The following CAMTA2 variants were observed in gnomAD, a reference collection of about 807,000 sequenced individuals.
The protein encoded by CAMTA2 is calmodulin-binding transcription activator 2.
CAMTA2 carries 56 observed loss-of-function variants against 135.7 expected under a neutral mutation model. That is an observed-to-expected ratio of 0.41 (90% CI 0.33 to 0.52). CAMTA2 has a LOEUF of 0.52. CAMTA2 is among the 20% of genes least tolerant of loss of function. The probability of loss-of-function intolerance (pLI) is 0.16; values close to 1 mark genes in which losing one functional copy is unlikely to be tolerated. For synonymous variants in CAMTA2, 591 were observed against 604.6 expected, an observed-to-expected ratio of 0.98 and a Z score of 0.33; for missense variants, 1,358 against 1,553.4, an observed-to-expected ratio of 0.87 and a Z score of 2.11.
Position 4,982,165 on chromosome 17 carries a change from C to T in CAMTA2, c.340-5G>A. 1 of 1,597,326 alleles carries T rather than the reference C, an allele frequency of 6.3e-7. No individual in the cohort carries two copies. Among genetic ancestry groups the T allele is most frequent in the Non-Finnish European group, 8.6e-7 (1 of 1,166,784 alleles). ...AACGTAGCAGCCATAGAGACACTGC[C>T]AGGAGACAGGCTGGGGTGGGGGGAG... On this transcript the variant is annotated splice_polypyrimidine_tract_variant and splice_region_variant and intron_variant, in intron 5 of 22. Coordinates refer to ENST00000348066, the MANE Select transcript of CAMTA2 (RefSeq NM_015099.4).
intron 16 of CAMTA2, among the ~76,000 whole-genome samples, chr17:4,970,852 C>T (rs544895467): frequency 1.4e-4 from 22 of 152,352 alleles, no homozygotes; most frequent in African/African-American, 5.0e-4. Context: ...TGCCAGCTGA[C>T]CAGCACATGC....
intron 16 of CAMTA2, 93 bp downstream of exon 16, chr17:4,972,139 C>T: frequency 8.8e-7 from 1 of 1,137,664 alleles, no homozygotes; most frequent in South Asian, 1.4e-5. Context: ...CCTTCCTAAA[C>T]TGAAGCCAGA....
Position 4,972,866 on chromosome 17 carries a change from A to G in CAMTA2, c.2406T>C (p.His802=), listed in dbSNP as rs747439940. ...LPLSVAHSRG[H]VRLARCLEEL... ...CCTCAAGGCAGCGGGCAAGGCGCAC[A>G]TGACCCCGGGAATGAGCCACAGACA... Residue 802 remains histidine (H), a synonymous_variant, in exon 15 of 23, where the codon CAT becomes CAC. Transcript: ENST00000348066. 3 of 1,613,880 alleles carry G rather than the reference A, an allele frequency of 1.9e-6. No individual in the cohort carries two copies. Among genetic ancestry groups the G allele is most frequent in the Non-Finnish European group, 2.5e-6 (3 of 1,180,034 alleles).
chr17:4,970,876 G>A (rs385471), intron 16 of CAMTA2, among the ~76,000 whole-genome samples: 64,676 of 152,118 alleles, frequency 0.43, 14,914 homozygotes, highest in Non-Finnish European at 0.54. Flanking sequence ...CCATAGGCTT[G>A]GCTGTGCCCA....
chr17:4,969,991 C>A lies in CAMTA2; in HGVS notation c.3100G>T (p.Asp1034Tyr). 6.2e-7 allele frequency: 1 copy of A among 1,614,202 alleles called. No homozygotes were observed. Among genetic ancestry groups the A allele is most frequent in the Non-Finnish European group, 8.5e-7 (1 of 1,180,036 alleles). The change falls in exon 18 of 23, where the codon GAT becomes TAT. Residue 1034 changes from aspartate to tyrosine, a missense_variant. By Grantham distance (160) the Asp-to-Tyr change is radical. Around this residue, in one of 4 missense-constraint regions of CAMTA2, gnomAD observed 9 missense variants for 27.9 expected, o/e 0.32. Coordinates refer to ENST00000348066, the MANE Select transcript of CAMTA2 (RefSeq NM_015099.4). The surrounding 1 kb of genome is among the most constrained non-coding windows in gnomAD (Gnocchi z 5.6). The stretch of plus-strand genomic sequence containing the variant: ...TCTGATAGTGTCAGCAGGGCAAAAT[C>A]ACTTTCCATCTTGCCACTGGTGGAT... Reference protein sequence around the residue: ...SASTSGKMESDFALLTLSDHE... With the variant: ...SASTSGKMESYFALLTLSDHE...
At chr17:4,981,497 G>C in intron 7 of CAMTA2, 138 bp from the exon 8 acceptor site, 1 of 1,318,088 alleles carries the variant, frequency 7.6e-7, no homozygotes, top group Non-Finnish European at 1.1e-6. Context: ...AGACTGCTCA[G>C]ATATGTTGCT....
At chr17:4,975,633 CT>C (rs1389515941) in intron 11 of CAMTA2, among the ~76,000 whole-genome samples, 1 of 152,024 alleles carries the variant, frequency 6.6e-6, no homozygotes, top group Non-Finnish European at 1.5e-5. Flanking sequence ...CACACTCGGG[CT>C]TTGTGTGGGG....
Position 4,980,086 on chromosome 17 carries a change from G to A in CAMTA2, c.1236C>T (p.Ala412=). Residue 412 remains alanine, a synonymous_variant, in exon 9 of 23, where the codon GCC becomes GCT. Transcript: ENST00000348066. This position sits in a 1 kb window ranked among gnomAD's most constrained non-coding sequence, Gnocchi z 5.3. ...EAEAAHTPCS[A]LEPAAALEPQ... is the part of the protein sequence containing the mutation. ...GCTCCAGGGCAGCAGCAGGCTCTAG[G>A]GCAGAACAGGGGGTATGAGCGGCCT... 1.9e-6 allele frequency: 3 copies of A among 1,613,614 alleles called. No individual in the cohort carries two copies. Among genetic ancestry groups the A allele is most frequent in the Non-Finnish European group, 2.5e-6 (3 of 1,179,782 alleles).
In CAMTA2 at chr17:4,979,854, C is replaced by T; in HGVS notation, c.1468G>A (p.Gly490Arg). Reference sequence around the variant, plus strand: ...AGTTCACTGGCCCCAACAGGTCCTCCAAACAAGGCCTCTCCTCTTCCTACC... The same window carrying T: ...AGTTCACTGGCCCCAACAGGTCCTCTAAACAAGGCCTCTCCTCTTCCTACC... Reference protein sequence around the residue: ...SRVGRGEALFGGPVGASELEP... With the variant: ...SRVGRGEALFRGPVGASELEP... The change falls in exon 9 of 23, where the codon GGA (glycine) becomes AGA (arginine). Residue 490 changes from glycine (G) to arginine (R), a missense_variant. By Grantham distance (125) the Gly-to-Arg change is moderately radical. Transcript: ENST00000348066. 1 of 1,599,130 alleles carries T rather than the reference C, an allele frequency of 6.3e-7. No individual in the cohort carries two copies. The highest frequency in any genetic ancestry group is 8.5e-7 in the Non-Finnish European group (1 of 1,172,158).
Position 4,973,229 on chromosome 17 carries a change from G to A in CAMTA2, c.2226C>T (p.Asp742=). 1 of 1,614,030 alleles carries A rather than the reference G, an allele frequency of 6.2e-7. No homozygotes were observed. The highest frequency in any genetic ancestry group is 1.6e-4 in the Middle Eastern group (1 of 6,062). The change falls in exon 14 of 23, where the codon GAC becomes GAT. Residue 742 remains aspartate (D), a synonymous_variant. Transcript: ENST00000348066. ...TGAGCGGGTCAACCTCCTGCTCTAA[G>A]TCCAAGCTTCCAGTCTCCACACTCC... ...QWRSVETGSL[D]LEQEVDPLNV... is the part of the protein sequence containing the mutation.
intron 11 of CAMTA2, among the ~76,000 whole-genome samples, chr17:4,976,420 C>T (rs1444405599): frequency 2.6e-5 from 4 of 152,016 alleles, no homozygotes; most frequent in Middle Eastern, 3.4e-3. Flanking sequence ...TAAGTACAGC[C>T]GGGTGTGGTG....
At position 4,977,087 on chromosome 17, in the gene CAMTA2, C is replaced by G. The variant is rs1318721568; in HGVS notation, c.1871G>C (p.Ser624Thr). The G allele has an allele frequency of 1.9e-6, 3 of 1,614,124 alleles. No homozygotes were observed. The highest frequency in any genetic ancestry group is 2.5e-6 in the Non-Finnish European group (3 of 1,180,016). ...CAGTGACAGCCAGTCAAGTTGAGTA[C>G]TAGGCAGAGACAGGAATCGGCGGGC... is the stretch of plus-strand genomic sequence containing the variant. ...YRARRFLSLP[S>T]TQLDWLSLDD... Residue 624 changes from serine (S) to threonine (T), a missense_variant, in exon 11 of 23, where the codon AGT becomes ACT. Ser to Thr is a moderately conservative substitution (Grantham distance 58). This residue lies in a region of CAMTA2 where 1,077 missense variants were observed against 1,127.5 expected (regional missense o/e 0.96). Transcript: ENST00000348066.
chr17:4,977,617 G>A lies in CAMTA2; in HGVS notation c.1766-425C>T, dbSNP rs573177884. Among the ~76,000 whole-genome samples, 62 of 152,324 alleles carry A rather than the reference G, an allele frequency of 4.1e-4. No individual in the cohort carries two copies. In the South Asian group the frequency reaches 0.012, roughly 31 times the overall value. On this transcript the variant is annotated intron_variant, in intron 10 of 22. Transcript: ENST00000348066. ...GTGGCCATAAGCATGGAACCAGCAG[G>A]CCCTGATCCTAAGACCAGGTGCTGA...
In CAMTA2 at chr17:4,986,270, G is replaced by A; in HGVS notation, c.-48C>T. On this transcript the variant is annotated 5_prime_UTR_variant, in exon 2 of 23. Transcript: ENST00000348066. Reference sequence around the variant, plus strand: ...GTCACCCCCGGCCTGAGGGGCCGGGGGGAGGGGGAGTCTGTGCTGGGAAGG... The same window carrying A: ...GTCACCCCCGGCCTGAGGGGCCGGGAGGAGGGGGAGTCTGTGCTGGGAAGG... 3 of 1,480,036 alleles carry A rather than the reference G, an allele frequency of 2.0e-6. No individual in the cohort carries two copies. The highest frequency in any genetic ancestry group is 1.9e-6 in the Non-Finnish European group (2 of 1,069,716). The allele number at this position is 1,480,036 out of a possible 1,614,324, so 91.7% of individuals were successfully genotyped here. A position where few individuals can be genotyped will look rare whatever the true frequency, so the allele number is the denominator to read the frequency against.
intron 3 of CAMTA2, chr17:4,983,284 CCT>C: frequency 2.2e-6 from 1 of 452,564 alleles, no homozygotes; most frequent in South Asian, 2.6e-5. Context: ...TTCCTGTGCC[CCT>C]TTTTTTTTCT....
At chr17:4,982,952 C>T (rs776328285) in intron 4 of CAMTA2, 24 bp downstream of exon 4, 1 of 1,614,100 alleles carries the variant, frequency 6.2e-7, no homozygotes, top group South Asian at 1.1e-5. Flanking sequence ...CCTGCCACTC[C>T]CCCATGTTCT....
Position 4,979,754 on chromosome 17 carries a change from G to A in CAMTA2, c.1568C>T (p.Ala523Val), listed in dbSNP as rs1174377217. The change falls in exon 9 of 23, where the codon GCT becomes GTT. Residue 523 changes from alanine to valine, a missense_variant. Ala to Val is a moderately conservative substitution (Grantham distance 64). Coordinates refer to ENST00000348066, the MANE Select transcript of CAMTA2 (RefSeq NM_015099.4). The stretch of plus-strand genomic sequence containing the variant: ...AGCAGGAGACAGCTGGGGGGTCGGA[G>A]CAGGGATGCTTGGAGCTTCGTCACT... Reference protein sequence around the residue: ...LISDEAPSIPAPTPQLSPALS... With the variant: ...LISDEAPSIPVPTPQLSPALS... 6.2e-7 allele frequency: 1 copy of A among 1,614,142 alleles called. No homozygotes were observed. Among genetic ancestry groups the A allele is most frequent in the Non-Finnish European group, 8.5e-7 (1 of 1,180,016 alleles).
chr17:4,981,628 C>G, intron 7 of CAMTA2, 50 bp downstream of exon 7: 1 of 1,530,732 alleles, frequency 6.5e-7, no homozygotes, highest in African/African-American at 1.4e-5. Flanking sequence ...CCTCTGGGAG[C>G]CCTGTTTCTA....
intron 16 of CAMTA2, among the ~76,000 whole-genome samples, chr17:4,971,042 C>G (rs1354785247): frequency 6.6e-6 from 1 of 152,220 alleles, no homozygotes; most frequent in African/African-American, 2.4e-5. Context: ...GTGGAGTTCC[C>G]TAAGTTTTTT....
Sources: allele counts gnomAD v4.1 joint callset (sites outside exome capture counted in the v4.1 genomes callset), GRCh38; gene constraint gnomAD v4.1.1; regional missense constraint gnomAD v4.1.1; non-coding constraint Gnocchi (gnomAD v3.1); transcripts MANE v1.5; gene names NCBI Gene and HGNC (gene_info 2026-07-23, HGNC 2026-07-21).